FAR2: variants seen among roughly 807,000 people sequenced by gnomAD.
FAR2 encodes fatty acyl-CoA reductase 2.
In FAR2, 19 loss-of-function variants were observed where a neutral mutation model predicts 56.0. The observed-to-expected ratio is 0.34, with a 90% CI of 0.24 to 0.50. The LOEUF is 0.50. Among genes scored for constraint, FAR2 ranks in the 20% least tolerant of loss-of-function variants. The pLI is 0.98. For missense variants in FAR2, 508 were observed against 642.2 expected (o/e 0.79, Z 2.26); for synonymous variants, 219 against 218.8 (o/e 1.00, Z -0.01).
At chr12:29,221,910 T>G (rs1453301956) in intron 1 of FAR2, among the ~76,000 whole-genome samples, 2 of 152,136 alleles carry the variant, frequency 1.3e-5, no homozygotes, top group African/African-American at 4.8e-5. Context: ...TACAGTGGCA[T>G]GATCTTGGCC....
chr12:29,244,985 C>CT (rs529685886), intron 1 of FAR2, among the ~76,000 whole-genome samples: 240 of 145,294 alleles, frequency 1.7e-3, no homozygotes, highest in South Asian at 4.6e-3. Flanking sequence ...TCTGTCCGCA[C>CT]TTTTTTTTTT....
chr12:29,320,834 C>T (rs1210804922), intron 9 of FAR2, among the ~76,000 whole-genome samples: 11 of 152,200 alleles, frequency 7.2e-5, no homozygotes, highest in Admixed American at 6.5e-4. Context: ...GGTCCAAGTC[C>T]TGACCACAAG....
intron 1 of FAR2, among the ~76,000 whole-genome samples, chr12:29,262,315 A>T (rs892691267): frequency 6.6e-6 from 1 of 152,144 alleles, no homozygotes; most frequent in Non-Finnish European, 1.5e-5. Context: ...AAAACATACA[A>T]TGGATACCTT....
intron 1 of FAR2, among the ~76,000 whole-genome samples, chr12:29,185,121 T>G (rs1379023792): frequency 6.6e-6 from 1 of 152,240 alleles, no homozygotes; most frequent in Non-Finnish European, 1.5e-5. Flanking sequence ...TAAGACATAA[T>G]TCTCTGCCCT....
chr12:29,200,695 C>T (rs1016516771), intron 1 of FAR2, among the ~76,000 whole-genome samples: 1 of 152,104 alleles, frequency 6.6e-6, no homozygotes, highest in Admixed American at 6.5e-5. Flanking sequence ...ATTAAAATAG[C>T]AATAAAGGAA....
At chr12:29,237,911 T>A (rs1017656450) in intron 1 of FAR2, among the ~76,000 whole-genome samples, 3 of 152,282 alleles carry the variant, frequency 2.0e-5, no homozygotes, top group African/African-American at 7.2e-5. Context: ...ATGAGATGTG[T>A]CAATATTCGG....
chr12:29,220,617 C>T (rs890760470), intron 1 of FAR2, among the ~76,000 whole-genome samples: 1 of 151,596 alleles, frequency 6.6e-6, no homozygotes, highest in Non-Finnish European at 1.5e-5. Context: ...TTTTTTTCTC[C>T]ATTCATCAAC....
At chr12:29,300,621 T>TG (rs1028623920) in intron 4 of FAR2, among the ~76,000 whole-genome samples, 2 of 140,742 alleles carry the variant, frequency 1.4e-5, no homozygotes, top group African/African-American at 4.9e-5. Context: ...GAGAAATGCC[T>TG]GGGGGAAAGT....
intron 1 of FAR2, among the ~76,000 whole-genome samples, chr12:29,232,197 C>T (rs1386214767): frequency 1.3e-5 from 2 of 152,120 alleles, no homozygotes; most frequent in Non-Finnish European, 2.9e-5. Flanking sequence ...CCAACTTTCC[C>T]CTTGAAAACT....
chr12:29,287,925 A>G (rs1948902965), intron 2 of FAR2, among the ~76,000 whole-genome samples: 2 of 152,178 alleles, frequency 1.3e-5, no homozygotes, highest in South Asian at 4.1e-4. Flanking sequence ...TACTTCTAAT[A>G]AAAATGCAGT....
At chr12:29,258,963 T>C (rs967588896) in intron 1 of FAR2, among the ~76,000 whole-genome samples, 6 of 152,218 alleles carry the variant, frequency 3.9e-5, no homozygotes, top group Non-Finnish European at 7.3e-5. Flanking sequence ...ATCAAGATTT[T>C]CCATACGTGT....
chr12:29,270,121 G>C (rs551696152), intron 1 of FAR2, among the ~76,000 whole-genome samples: 1 of 152,312 alleles, frequency 6.6e-6, no homozygotes, highest in South Asian at 2.1e-4. Context: ...GTATTTAACA[G>C]TCTCTTTATT....
intron 4 of FAR2, among the ~76,000 whole-genome samples, chr12:29,301,056 C>T (rs1036236908): frequency 6.6e-6 from 1 of 152,170 alleles, no homozygotes; most frequent in African/African-American, 2.4e-5. Flanking sequence ...ATCCTGTATG[C>T]TGAGACTGTC....
intron 1 of FAR2, among the ~76,000 whole-genome samples, chr12:29,192,985 C>T (rs548115802): frequency 3.2e-4 from 49 of 152,260 alleles, no homozygotes; most frequent in African/African-American, 1.1e-3. Context: ...TTGTTAACAA[C>T]GTGATTAAGA....
chr12:29,152,194 C>T lies in FAR2; in HGVS notation c.-39+2787C>T, dbSNP rs973970989. 3.9e-5 allele frequency among the ~76,000 whole-genome samples: 6 copies of T among 152,246 alleles called. No homozygotes were observed. The South Asian group carries it at 6.2e-4, about 16-fold the overall frequency. ...GGGTCTAATTCATCCAAACGTCGAA[C>T]GGTGAGAAAATGAGCCAATGACTGA... is the stretch of plus-strand genomic sequence containing the variant. On this transcript the variant is annotated intron_variant, in intron 1 of 11. Coordinates refer to ENST00000536681, the MANE Select transcript of FAR2 (RefSeq NM_001271783.2).
intron 1 of FAR2, among the ~76,000 whole-genome samples, chr12:29,245,707 C>T (rs1948116214): frequency 6.6e-6 from 1 of 152,096 alleles, no homozygotes; most frequent in Admixed American, 6.6e-5. Context: ...TAAAAATCTA[C>T]CTCTTTATGC....
chr12:29,212,003 G>T (rs1042902974), intron 1 of FAR2, among the ~76,000 whole-genome samples: 2 of 150,764 alleles, frequency 1.3e-5, no homozygotes, highest in African/African-American at 4.9e-5. Context: ...GGAGAGAGAG[G>T]CCTGGAACAG....
chr12:29,240,400 C>G (rs1948009060), intron 1 of FAR2, among the ~76,000 whole-genome samples: 1 of 152,192 alleles, frequency 6.6e-6, no homozygotes, highest in African/African-American at 2.4e-5. Context: ...ACTCCTCCTT[C>G]CATATGACTT....
At chr12:29,277,744 C>T (rs1235167498) in intron 2 of FAR2, 5 of 152,086 alleles carry the variant, frequency 3.3e-5, no homozygotes, top group Non-Finnish European at 7.4e-5. Flanking sequence ...AGGTAGATGC[C>T]TAGGCTCTGC....
Sources: allele counts gnomAD v4.1 joint callset (sites outside exome capture counted in the v4.1 genomes callset), GRCh38; gene constraint gnomAD v4.1.1; transcripts MANE v1.5; gene names NCBI Gene and HGNC (gene_info 2026-07-23, HGNC 2026-07-21).